The following STRN3 variants were observed in gnomAD, a reference collection of about 807,000 sequenced individuals.
The protein encoded by STRN3 is striatin-3.
Under a neutral mutation model 95.6 loss-of-function variants are expected in STRN3, and 29 were observed. The ratio of observed to expected loss-of-function variants is 0.30; its 90% CI spans 0.23 to 0.41. The LOEUF is 0.41. STRN3 is among the 10% of genes least tolerant of loss of function. STRN3 has a pLI of 1.00. For synonymous variants in STRN3, 331 were observed against 357.6 expected (o/e 0.93, Z 0.84); for missense variants, 890 against 972.1 (o/e 0.92, Z 1.12).
intron 4 of STRN3, among the ~76,000 whole-genome samples, chr14:30,948,153 TTTCAGG>T (rs1303413818): frequency 1.3e-5 from 2 of 152,180 alleles, no homozygotes; most frequent in African/African-American, 4.8e-5. Context: ...TCTACACAAT[TTTCAGG>T]TTTCTAGCTT....
chr14:30,983,066 AC>A (rs1424165026), intron 1 of STRN3, among the ~76,000 whole-genome samples: 1 of 152,258 alleles, frequency 6.6e-6, no homozygotes, highest in Non-Finnish European at 1.5e-5. Flanking sequence ...ACTATCCAGA[AC>A]ACTGTCTGGC....
chr14:30,932,638 A>C (rs1878599789), intron 7 of STRN3, among the ~76,000 whole-genome samples: 1 of 152,234 alleles, frequency 6.6e-6, no homozygotes, highest in Non-Finnish European at 1.5e-5. Flanking sequence ...ATTGATAGTA[A>C]AAAGCTAAAT....
intron 1 of STRN3, among the ~76,000 whole-genome samples, chr14:30,993,761 C>G (rs555931382): frequency 6.6e-6 from 1 of 151,830 alleles, no homozygotes; most frequent in African/African-American, 2.4e-5. Context: ...CTCACTGCAA[C>G]CTCGGCCTCG....
intron 1 of STRN3, among the ~76,000 whole-genome samples, chr14:31,017,225 C>T (rs1018416101): frequency 3.4e-5 from 5 of 149,098 alleles, no homozygotes; most frequent in African/African-American, 7.4e-5. Flanking sequence ...CTAGGCCGGG[C>T]GCAGTGGCTC....
intron 1 of STRN3, among the ~76,000 whole-genome samples, chr14:30,958,226 C>T (rs1273760189): frequency 2.0e-5 from 3 of 152,140 alleles, no homozygotes; most frequent in African/African-American, 4.8e-5. Context: ...AGCAGGAGAA[C>T]TGCTTGAGCC....
intron 1 of STRN3, chr14:31,018,708 C>CA (rs556328098): frequency 2.3e-4 from 106 of 453,054 alleles, no homozygotes; most frequent in South Asian, 3.1e-4. Flanking sequence ...GATAAACTTG[C>CA]AAAAAAAGCG....
chr14:30,955,602 CAGA>C lies in STRN3; in HGVS notation c.460+15_460+17del, dbSNP rs1566456160. On this transcript the variant is annotated intron_variant, in intron 3 of 17. Transcript: ENST00000357479. ...AATGAATTAAAAAAAAAAAAAGTAA[CAGA>C]AGAAGCAAGTTTACCTGACTCAAAG... The C allele has an allele frequency of 5.9e-6, 9 of 1,530,964 alleles. 1 individual carries two copies. Among genetic ancestry groups the C allele is most frequent in the African/African-American group, 2.9e-5 (2 of 68,582 alleles). 94.8% of individuals were successfully genotyped at this position (1,530,964 alleles called of 1,614,324 possible).
intron 1 of STRN3, among the ~76,000 whole-genome samples, chr14:31,009,604 A>ATT (rs34490042): frequency 0.62 from 89,829 of 144,620 alleles, 28,502 homozygotes; most frequent in Non-Finnish European, 0.71. Context: ...ACCATTGCCA[A>ATT]TTTTTTTTTT....
At chr14:30,997,653 T>C (rs1882265668) in intron 1 of STRN3, among the ~76,000 whole-genome samples, 1 of 152,186 alleles carries the variant, frequency 6.6e-6, no homozygotes, top group Non-Finnish European at 1.5e-5. Flanking sequence ...ATAACAAACT[T>C]TGTTTTCTTG....
intron 1 of STRN3, among the ~76,000 whole-genome samples, chr14:31,002,366 G>A (rs1882501343): frequency 1.3e-5 from 2 of 151,104 alleles, no homozygotes; most frequent in South Asian, 2.1e-4. Flanking sequence ...CATCTACTCA[G>A]GAGGCTAAGG....
intron 8 of STRN3, among the ~76,000 whole-genome samples, chr14:30,922,431 A>G (rs1366342104): frequency 6.6e-6 from 1 of 152,222 alleles, no homozygotes. Context: ...TGAAAAACAT[A>G]CTAATTATGC....
At chr14:30,900,606 C>A (rs1168476426) in intron 16 of STRN3, among the ~76,000 whole-genome samples, 1 of 151,538 alleles carries the variant, frequency 6.6e-6, no homozygotes, top group Non-Finnish European at 1.5e-5. Flanking sequence ...GTGGCACACA[C>A]CTGTAGTCCC....
intron 1 of STRN3, among the ~76,000 whole-genome samples, chr14:30,980,337 C>A (rs1238427496): frequency 6.6e-6 from 1 of 152,188 alleles, no homozygotes. Flanking sequence ...GTAAAACTTT[C>A]AACTTTGATT....
chr14:30,922,486 C>T (rs1004965659), intron 8 of STRN3, among the ~76,000 whole-genome samples: 4 of 152,146 alleles, frequency 2.6e-5, no homozygotes, highest in African/African-American at 9.7e-5. Context: ...TTTCAAATTC[C>T]GCTCAAACAC....
chr14:31,012,985 A>G (rs1883040020), intron 1 of STRN3, among the ~76,000 whole-genome samples: 1 of 152,062 alleles, frequency 6.6e-6, no homozygotes, highest in South Asian at 2.1e-4. Flanking sequence ...TAGGGAGGGC[A>G]TAGTGGTTCA....
In STRN3 at chr14:31,026,171, G is replaced by C. The variant is rs905603102; in HGVS notation, c.15C>G (p.Ala5=). ...TCCCCGGGCCGCCACCACCGCCTCC[G>C]GCAAGCTCGTCCATTGTGTGTGGGG... MDEL[A]GGGGGGPGMA... Residue 5 remains alanine, a synonymous_variant, in exon 1 of 18, where the codon GCC becomes GCG. Transcript: ENST00000357479. 17 of 1,482,910 alleles carry C rather than the reference G, an allele frequency of 1.1e-5. No homozygotes were observed. The highest frequency in any genetic ancestry group is 5.7e-5 in the East Asian group (2 of 35,268). 91.9% of individuals were successfully genotyped at this position (1,482,910 alleles called of 1,614,324 possible). A position where few individuals can be genotyped will look rare whatever the true frequency, so the allele number is the denominator to read the frequency against.
At chr14:30,987,054 T>C (rs1237857316) in intron 1 of STRN3, among the ~76,000 whole-genome samples, 1 of 152,204 alleles carries the variant, frequency 6.6e-6, no homozygotes, top group Non-Finnish European at 1.5e-5. Context: ...TGCATAAACT[T>C]ACCCTCTTTA....
chr14:30,970,690 T>C (rs1880784475), intron 1 of STRN3, among the ~76,000 whole-genome samples: 1 of 152,192 alleles, frequency 6.6e-6, no homozygotes, highest in Non-Finnish European at 1.5e-5. Flanking sequence ...GGAACCATTG[T>C]TCCTCCTCCA....
chr14:30,991,279 C>T (rs568804987), intron 1 of STRN3, among the ~76,000 whole-genome samples: 1 of 152,288 alleles, frequency 6.6e-6, no homozygotes, highest in Admixed American at 6.5e-5. Context: ...CTGTATCACA[C>T]AGAGTTCCTT....
Sources: gnomAD v4.1 joint callset for allele counts (sites outside exome capture counted in the v4.1 genomes callset) on GRCh38, gnomAD v4.1.1 for gene constraint, MANE v1.5 for transcripts, NCBI Gene and HGNC (gene_info 2026-07-23, HGNC 2026-07-21) for gene names.